The following MAGI2 variants were observed in gnomAD, a reference collection of about 807,000 sequenced individuals.
The protein encoded by MAGI2 is membrane-associated guanylate kinase, WW and PDZ domain-containing protein 2.
In MAGI2, 35 loss-of-function variants were observed where a neutral mutation model predicts 133.3. That is an observed-to-expected ratio of 0.26 (90% CI 0.20 to 0.35). The LOEUF is 0.35. MAGI2 is among the 10% of genes least tolerant of loss of function. The probability of loss-of-function intolerance (pLI) is 1.00; values close to 1 mark genes in which losing one functional copy is unlikely to be tolerated. For missense variants in MAGI2, 1,636 were observed against 1,863.4 expected, an observed-to-expected ratio of 0.88 and a Z score of 2.25; for synonymous variants, 729 against 710.6, an observed-to-expected ratio of 1.03 and a Z score of -0.41.
chr7:78,846,458 A>T (rs1052007243), intron 2 of MAGI2, among the ~76,000 whole-genome samples: 3 of 151,920 alleles, frequency 2.0e-5, no homozygotes, highest in African/African-American at 7.2e-5. Flanking sequence ...AGTTGCCTGT[A>T]CTCTTGACTC....
intron 2 of MAGI2, among the ~76,000 whole-genome samples, chr7:78,654,362 T>G (rs763008842): frequency 2.1e-4 from 32 of 152,112 alleles, no homozygotes; most frequent in Non-Finnish European, 4.1e-4. Context: ...GAATATTATT[T>G]AAATTATGTT....
At chr7:78,634,234 T>C (rs982872199) in intron 2 of MAGI2, among the ~76,000 whole-genome samples, 4 of 152,238 alleles carry the variant, frequency 2.6e-5, no homozygotes, top group African/African-American at 9.6e-5. Context: ...GATCCTTTTG[T>C]CTTTTGTAGA....
chr7:79,261,375 C>T (rs6953483), intron 1 of MAGI2, among the ~76,000 whole-genome samples: 1 of 152,054 alleles, frequency 6.6e-6, no homozygotes, highest in South Asian at 2.1e-4. Flanking sequence ...TGCTTGAATC[C>T]GTTTTGCTGC....
chr7:79,367,975 G>A (rs750865521), intron 1 of MAGI2, among the ~76,000 whole-genome samples: 5 of 150,534 alleles, frequency 3.3e-5, no homozygotes, highest in Admixed American at 6.6e-5. Context: ...TCATCACCAC[G>A]CCTTGACCCA....
intron 7 of MAGI2, among the ~76,000 whole-genome samples, chr7:78,346,458 A>G (rs1320493547): frequency 6.6e-6 from 1 of 152,216 alleles, no homozygotes; most frequent in Admixed American, 6.5e-5. Context: ...GATAAATGTG[A>G]GGTAAATTCA....
intron 1 of MAGI2, among the ~76,000 whole-genome samples, chr7:79,135,153 C>T (rs540997744): frequency 2.3e-4 from 35 of 151,962 alleles, no homozygotes; most frequent in African/African-American, 8.0e-4. Flanking sequence ...TGTAAAGTGG[C>T]TGAAGGGAAC....
intron 6 of MAGI2, among the ~76,000 whole-genome samples, chr7:78,396,563 C>T (rs1366086269): frequency 2.0e-5 from 3 of 152,106 alleles, no homozygotes; most frequent in Non-Finnish European, 2.9e-5. Flanking sequence ...AAATAGCTAC[C>T]GCCTTTCCTT....
intron 6 of MAGI2, among the ~76,000 whole-genome samples, chr7:78,433,725 AG>A (rs1460045278): frequency 1.3e-5 from 2 of 152,164 alleles, no homozygotes; most frequent in Non-Finnish European, 2.9e-5. Context: ...CAGTAGTGTA[AG>A]GTACAGAAAA....
At chr7:78,693,443 G>T (rs1817180696) in intron 2 of MAGI2, among the ~76,000 whole-genome samples, 3 of 151,922 alleles carry the variant, frequency 2.0e-5, no homozygotes, top group Admixed American at 1.3e-4. Context: ...CTGCATTACG[G>T]GTCAAGCAGA....
At chr7:78,736,350 G>A (rs1821845081) in intron 2 of MAGI2, among the ~76,000 whole-genome samples, 1 of 152,106 alleles carries the variant, frequency 6.6e-6, no homozygotes, top group East Asian at 1.9e-4. Flanking sequence ...CTTTAGCGAC[G>A]CTCTGCCTGA....
intron 21 of MAGI2, among the ~76,000 whole-genome samples, chr7:78,047,588 C>A (rs1023914458): frequency 4.6e-5 from 7 of 152,220 alleles, no homozygotes; most frequent in African/African-American, 9.6e-5. Flanking sequence ...GTGTCTCTGC[C>A]TGATTTTCCA....
chr7:78,318,877 G>C (rs1207777506), intron 9 of MAGI2, among the ~76,000 whole-genome samples: 2 of 152,138 alleles, frequency 1.3e-5, no homozygotes, highest in African/African-American at 2.4e-5. Flanking sequence ...AGCTTCATAA[G>C]TGAAGGAGAA....
chr7:78,424,672 C>T (rs1331924317), intron 6 of MAGI2, among the ~76,000 whole-genome samples: 1 of 152,146 alleles, frequency 6.6e-6, no homozygotes, highest in Non-Finnish European at 1.5e-5. Context: ...GAACCCACCT[C>T]TTGTATCAGC....
chr7:78,231,991 T>C (rs537611550), intron 10 of MAGI2, among the ~76,000 whole-genome samples: 7 of 151,722 alleles, frequency 4.6e-5, no homozygotes, highest in African/African-American at 1.7e-4. Flanking sequence ...AACCCACCCC[T>C]GGTGTTTGGG....
intron 1 of MAGI2, among the ~76,000 whole-genome samples, chr7:79,027,987 A>G (rs9692247): frequency 0.59 from 88,844 of 151,018 alleles, 26,448 homozygotes; most frequent in East Asian, 0.64. Context: ...GCCAAGGTGA[A>G]TGGAACACCA....
chr7:78,376,900 A>G (rs1183752225), intron 6 of MAGI2, among the ~76,000 whole-genome samples: 3 of 152,142 alleles, frequency 2.0e-5, no homozygotes, highest in Non-Finnish European at 4.4e-5. Flanking sequence ...TGAACCTAGT[A>G]GGTTTTTGTC....
intron 2 of MAGI2, among the ~76,000 whole-genome samples, chr7:78,815,744 A>C (rs1261663934): frequency 6.6e-6 from 1 of 152,178 alleles, no homozygotes; most frequent in Non-Finnish European, 1.5e-5. Flanking sequence ...TAAGACAGCA[A>C]AATTAATCAA....
rs142507541 is a variant in MAGI2 at position 79,352,793 on chromosome 7, T to G, written c.301+100227A>C. Among the ~76,000 whole-genome samples the G allele has an allele frequency of 2.4e-4, 37 of 152,300 alleles. No individual in the cohort carries two copies. The East Asian group carries it at 7.2e-3, about 29-fold the overall frequency. The stretch of plus-strand genomic sequence containing the variant: ...GGAAAATTCAGCTTAGATAAGCCAG[T>G]CTGCAAAGTATAAGCTATACCAAGA... On this transcript the variant is annotated intron_variant, in intron 1 of 21. Transcript: ENST00000354212.
At chr7:78,671,658 T>G (rs1339103007) in intron 2 of MAGI2, among the ~76,000 whole-genome samples, 2 of 152,104 alleles carry the variant, frequency 1.3e-5, no homozygotes, top group Non-Finnish European at 2.9e-5. Context: ...CATAATCACT[T>G]GGCACTGCAT....
Sources: gnomAD v4.1 joint callset for allele counts (sites outside exome capture counted in the v4.1 genomes callset) on GRCh38, gnomAD v4.1.1 for gene constraint, MANE v1.5 for transcripts, NCBI Gene and HGNC (gene_info 2026-07-23, HGNC 2026-07-21) for gene names.